The following GRIK2 variants were observed in gnomAD, a reference collection of about 807,000 sequenced individuals.
The protein encoded by GRIK2 is glutamate ionotropic receptor kainate type subunit 2, also known as glutamate receptor ionotropic, kainate 2.
In GRIK2, 32 loss-of-function variants were observed where a neutral mutation model predicts 100.3. That is an observed-to-expected ratio of 0.32 (90% CI 0.24 to 0.43). The LOEUF is 0.43. GRIK2 is among the 20% of genes least tolerant of loss of function. The pLI, the probability that GRIK2 is intolerant of heterozygous loss-of-function variation, is 1.00. For missense variants in GRIK2, 843 were observed against 1,114.9 expected (o/e 0.76, Z 3.47); for synonymous variants, 417 against 389.4 (o/e 1.07, Z -0.83).
intron 4 of GRIK2, among the ~76,000 whole-genome samples, chr6:101,665,052 T>C (rs1769914941): frequency 6.6e-6 from 1 of 152,146 alleles, no homozygotes; most frequent in Non-Finnish European, 1.5e-5. Flanking sequence ...CAGCTAAATA[T>C]CTTAGCCCTT....
chr6:101,889,343 T>C (rs2128457079), intron 11 of GRIK2, among the ~76,000 whole-genome samples: 1 of 151,938 alleles, frequency 6.6e-6, no homozygotes, highest in South Asian at 2.1e-4. Flanking sequence ...ATGTACTGAG[T>C]GTACAATAGT....
chr6:101,630,257 C>T (rs1171030850), intron 4 of GRIK2, among the ~76,000 whole-genome samples: 1 of 152,086 alleles, frequency 6.6e-6, no homozygotes, highest in Non-Finnish European at 1.5e-5. Context: ...AGTCAAATGT[C>T]GTTCTATGTT....
At chr6:101,495,477 GC>G (rs1773394107) in intron 2 of GRIK2, among the ~76,000 whole-genome samples, 2 of 152,084 alleles carry the variant, frequency 1.3e-5, no homozygotes, top group African/African-American at 4.8e-5. Flanking sequence ...CTGCACTCTA[GC>G]CTGGGAGATA....
intron 10 of GRIK2, among the ~76,000 whole-genome samples, chr6:101,831,078 A>G (rs1782649764): frequency 6.6e-6 from 1 of 152,154 alleles, no homozygotes; most frequent in African/African-American, 2.4e-5. Context: ...TAGCATATCC[A>G]TGTAACAAAC....
intron 2 of GRIK2, among the ~76,000 whole-genome samples, chr6:101,447,817 A>G (rs911650570): frequency 1.3e-5 from 2 of 151,650 alleles, no homozygotes; most frequent in African/African-American, 4.8e-5. Context: ...ACTAATGTCA[A>G]TTTCATGTGA....
chr6:101,609,915 GAGA>G (rs1779599520), intron 2 of GRIK2, among the ~76,000 whole-genome samples: 1 of 150,958 alleles, frequency 6.6e-6, no homozygotes, highest in African/African-American at 2.4e-5. Flanking sequence ...CTTCTTGAAG[GAGA>G]AGATGAGGTG....
At chr6:101,564,142 A>C (rs564577927) in intron 2 of GRIK2, among the ~76,000 whole-genome samples, 1 of 152,334 alleles carries the variant, frequency 6.6e-6, no homozygotes, top group South Asian at 2.1e-4. Context: ...AGTCACGTTT[A>C]AGCTGGTTTT....
intron 1 of GRIK2, among the ~76,000 whole-genome samples, chr6:101,398,544 A>G (rs1775110333): frequency 6.6e-6 from 1 of 152,224 alleles, no homozygotes; most frequent in Non-Finnish European, 1.5e-5. Context: ...GTCTTAGATC[A>G]CTTTCTTTTT....
At chr6:101,993,230 G>A (rs1794465875) in intron 14 of GRIK2, 1 of 151,258 alleles carries the variant, frequency 6.6e-6, no homozygotes, top group South Asian at 2.1e-4. Context: ...AGGAAGGAAA[G>A]AAGAACAGAA....
intron 2 of GRIK2, among the ~76,000 whole-genome samples, chr6:101,409,588 T>C (rs535339758): frequency 3.2e-4 from 48 of 152,228 alleles, no homozygotes; most frequent in African/African-American, 1.1e-3. Flanking sequence ...GTGAATTTAG[T>C]TGTTTGGGTC....
chr6:101,858,473 G>A (rs1023733335), intron 10 of GRIK2, among the ~76,000 whole-genome samples: 5 of 140,054 alleles, frequency 3.6e-5, no homozygotes, highest in African/African-American at 1.1e-4. Context: ...TGCAAGCTCC[G>A]CCTCCCGGGT....
At chr6:102,068,275 T>C in intron 16 of GRIK2, 72 bp from the exon 17 acceptor site, 1 of 1,138,880 alleles carries the variant, frequency 8.8e-7, no homozygotes, top group South Asian at 1.5e-5. Context: ...TTGAGGATGA[T>C]TTTAATATTG....
At chr6:101,759,421 CA>C (rs1321833342) in intron 7 of GRIK2, among the ~76,000 whole-genome samples, 1 of 152,066 alleles carries the variant, frequency 6.6e-6, no homozygotes, top group African/African-American at 2.4e-5. Flanking sequence ...CATAACAAAA[CA>C]GCAGCAACTA....
intron 7 of GRIK2, among the ~76,000 whole-genome samples, chr6:101,742,330 A>C (rs899967276): frequency 6.6e-6 from 1 of 152,098 alleles, no homozygotes; most frequent in African/African-American, 2.4e-5. Context: ...GATGTGGTTT[A>C]GGGATATTTG....
At chr6:101,909,377 T>TTTTTTTG (rs1554284509) in intron 12 of GRIK2, among the ~76,000 whole-genome samples, 3 of 116,208 alleles carry the variant, frequency 2.6e-5, no homozygotes, top group South Asian at 3.1e-4. Flanking sequence ...TAGGGTTTTC[T>TTTTTTTG]TTTTCTTTTT....
intron 4 of GRIK2, among the ~76,000 whole-genome samples, chr6:101,646,240 A>C (rs1482314677): frequency 2.0e-5 from 3 of 151,938 alleles, no homozygotes; most frequent in African/African-American, 7.2e-5. Context: ...TATACAGTTC[A>C]GAGTCCAATA....
intron 2 of GRIK2, among the ~76,000 whole-genome samples, chr6:101,497,933 T>C (rs1582583151): frequency 6.6e-6 from 1 of 151,814 alleles, no homozygotes; most frequent in Non-Finnish European, 1.5e-5. Context: ...TAGTTACATA[T>C]GTACACATGT....
At chr6:101,498,376 T>C (rs1773563407) in intron 2 of GRIK2, among the ~76,000 whole-genome samples, 1 of 152,148 alleles carries the variant, frequency 6.6e-6, no homozygotes, top group Non-Finnish European at 1.5e-5. Flanking sequence ...CCTTTGGGTA[T>C]ATTCCCAGTA....
intron 4 of GRIK2, among the ~76,000 whole-genome samples, chr6:101,671,645 C>G (rs1192256891): frequency 6.6e-6 from 1 of 152,046 alleles, no homozygotes; most frequent in African/African-American, 2.4e-5. Context: ...GCGGGTGGAT[C>G]GTGAGGTCAG....
Sources: allele counts gnomAD v4.1 joint callset (sites outside exome capture counted in the v4.1 genomes callset), GRCh38; gene constraint gnomAD v4.1.1; transcripts MANE v1.5; gene names NCBI Gene and HGNC (gene_info 2026-07-23, HGNC 2026-07-21).